LARP7: variants seen among roughly 807,000 people sequenced by gnomAD.
The protein encoded by LARP7 is la-related protein 7.
LARP7 carries 52 observed loss-of-function variants against 69.3 expected under a neutral mutation model. The observed-to-expected ratio is 0.75, with a 90% CI of 0.60 to 0.95. LARP7 has a LOEUF of 0.95. Among genes scored for constraint, LARP7 ranks in the 40% least tolerant of loss-of-function variants. The probability of loss-of-function intolerance (pLI) is 0.00; values close to 1 mark genes in which losing one functional copy is unlikely to be tolerated. For synonymous variants in LARP7, 254 were observed against 215.9 expected (o/e 1.18, Z -1.55); for missense variants, 733 against 673.0 (o/e 1.09, Z -0.99).
intron 12 of LARP7, chr4:112,655,334 A>G (rs928040330): frequency 2.0e-5 from 3 of 152,168 alleles, no homozygotes; most frequent in Admixed American, 6.5e-5. Context: ...CTAGGAATAA[A>G]CCTTTTATTT....
At chr4:112,641,165 C>G (rs2047945026) in intron 1 of LARP7, among the ~76,000 whole-genome samples, 1 of 152,066 alleles carries the variant, frequency 6.6e-6, no homozygotes, top group East Asian at 1.9e-4. Flanking sequence ...CTTCGGGAGG[C>G]CAAGGCAGGC....
intron 10 of LARP7, among the ~76,000 whole-genome samples, chr4:112,651,018 T>G (rs2048706341): frequency 6.6e-6 from 1 of 152,228 alleles, no homozygotes; most frequent in African/African-American, 2.4e-5. Context: ...GGTTTATAAT[T>G]TTTTCGCTTT....
chr4:112,642,175 G>A (rs1051567363), intron 1 of LARP7, among the ~76,000 whole-genome samples: 2 of 152,206 alleles, frequency 1.3e-5, no homozygotes, highest in African/African-American at 4.8e-5. Context: ...ACATTGAGGA[G>A]CTTGTTTGCA....
chr4:112,656,320 C>A (rs1239386423), intron 12 of LARP7, among the ~76,000 whole-genome samples: 4 of 152,126 alleles, frequency 2.6e-5, no homozygotes, highest in African/African-American at 9.7e-5. Context: ...ATTGCCTGAA[C>A]CTAGGAAGTG....
rs2048680472 is a variant in LARP7 at position 112,650,561 on chromosome 4, A to G, written c.1395A>G (p.Leu465=). Reference sequence around the variant, plus strand: ...TGAAGATCATTAGCACAGAGCCTCTACCTGGCAGGAAACAAGTCCGGGTAA... The same window carrying G: ...TGAAGATCATTAGCACAGAGCCTCTGCCTGGCAGGAAACAAGTCCGGGTAA... ...VIVKIISTEP[L]PGRKQVRDTL... is the part of the protein sequence containing the mutation. The change falls in exon 10 of 13, where the codon CTA becomes CTG. Residue 465 remains leucine (L), a synonymous_variant. Coordinates refer to ENST00000344442, the MANE Select transcript of LARP7 (RefSeq NM_016648.4). 9 of 1,613,410 alleles carry G rather than the reference A, an allele frequency of 5.6e-6. No homozygotes were observed. Among genetic ancestry groups the G allele is most frequent in the African/African-American group, 1.3e-5 (1 of 74,900 alleles).
At chr4:112,641,912 G>A (rs540468645) in intron 1 of LARP7, among the ~76,000 whole-genome samples, 1 of 152,276 alleles carries the variant, frequency 6.6e-6, no homozygotes, top group African/African-American at 2.4e-5. Context: ...AAGCCAATGA[G>A]CTTAAAGCCA....
At chr4:112,638,209 T>G (rs1037910411) in intron 1 of LARP7, among the ~76,000 whole-genome samples, 21 of 152,246 alleles carry the variant, frequency 1.4e-4, no homozygotes, top group Non-Finnish European at 3.1e-4. Flanking sequence ...GTTGGGAGAA[T>G]CGCTTGAACT....
chr4:112,654,262 C>T (rs1453557221), intron 12 of LARP7, 103 bp downstream of exon 12: 2 of 773,844 alleles, frequency 2.6e-6, no homozygotes, highest in Non-Finnish European at 4.3e-6. Flanking sequence ...TTGCTATTAC[C>T]TAACAAAAAT....
intron 2 of LARP7, among the ~76,000 whole-genome samples, 168 bp from the exon 3 acceptor site, chr4:112,646,183 T>TG (rs2048218166): frequency 1.3e-5 from 2 of 152,122 alleles, no homozygotes; most frequent in African/African-American, 4.8e-5. Flanking sequence ...TTCACTATGT[T>TG]GGCCAGGCTG....
chr4:112,646,755 G>T (rs1178949126), intron 4 of LARP7, 36 bp from the exon 5 acceptor site: 13 of 1,556,354 alleles, frequency 8.4e-6, no homozygotes, highest in African/African-American at 1.4e-5. Context: ...CATTCTGATT[G>T]TGAAAAACTC....
intron 12 of LARP7, chr4:112,654,472 G>C (rs1338688465): frequency 4.9e-6 from 1 of 204,836 alleles, no homozygotes; most frequent in Admixed American, 5.4e-5. Flanking sequence ...ATTATAGAAA[G>C]ATTATCTTCA....
chr4:112,641,697 C>T (rs2047971945), intron 1 of LARP7, among the ~76,000 whole-genome samples: 1 of 152,170 alleles, frequency 6.6e-6, no homozygotes, highest in Non-Finnish European at 1.5e-5. Flanking sequence ...GATTTTAAGG[C>T]TTTTGCCTTT....
Position 112,646,883 on chromosome 4 carries a change from G to A in LARP7, c.480G>A (p.Lys160=). Residue 160 remains lysine, a synonymous_variant, in exon 5 of 13, where the codon AAG becomes AAA. Transcript: ENST00000344442. ...TTTATATAAGTATACCACATTATAAGTCTACTGGAGATCCAAAGGGATTTG... is the reference window on the plus strand; with the variant it reads ...TTTATATAAGTATACCACATTATAAATCTACTGGAGATCCAAAGGGATTTG... ...NVVYISIPHY[K]STGDPKGFAF... is the part of the protein sequence containing the mutation. 6.2e-7 allele frequency: 1 copy of A among 1,608,446 alleles called. No homozygotes were observed.
At chr4:112,642,839 G>A (rs2048014727) in intron 1 of LARP7, among the ~76,000 whole-genome samples, 1 of 152,296 alleles carries the variant, frequency 6.6e-6, no homozygotes, top group South Asian at 2.1e-4. Flanking sequence ...TTCTGGTCAC[G>A]TAGGCATAAG....
Position 112,654,167 on chromosome 4 carries a change from A to T in LARP7, c.1668+8A>T, listed in dbSNP as rs1380478034. On this transcript the variant is annotated splice_region_variant and intron_variant, in intron 12 of 12. Transcript: ENST00000344442. ...AAAAGAGGCACTGAAAAGGTAATTG[A>T]TTCATTTTTGTTTTTTTAGACTAAA... 6.2e-7 allele frequency: 1 copy of T among 1,609,180 alleles called. No homozygotes were observed.
At chr4:112,654,383 G>T in intron 12 of LARP7, 1 of 418,476 alleles carries the variant, frequency 2.4e-6, no homozygotes, top group South Asian at 3.8e-5. Context: ...TTTTAATTTA[G>T]ATTTTTTCTT....
At chr4:112,647,982 A>G (rs772711592) in intron 8 of LARP7, 148 bp downstream of exon 8, 11 of 725,822 alleles carry the variant, frequency 1.5e-5, no homozygotes, top group South Asian at 1.1e-4. Flanking sequence ...CGTTAACGCA[A>G]TTGCTGATTA....
At chr4:112,648,681 T>C (rs2048526029) in intron 8 of LARP7, 2 of 376,488 alleles carry the variant, frequency 5.3e-6, no homozygotes, top group East Asian at 7.4e-5. Context: ...CAAAGATTCG[T>C]GTTCTCCTCC....
chr4:112,657,052 C>CAG (rs1287579634), intron 12 of LARP7, among the ~76,000 whole-genome samples, 195 bp from the exon 13 acceptor site: 1 of 151,892 alleles, frequency 6.6e-6, no homozygotes, highest in Non-Finnish European at 1.5e-5. Flanking sequence ...GCCTTAATAA[C>CAG]AGATTTGATT....
Sources: gnomAD v4.1 joint callset for allele counts (sites outside exome capture counted in the v4.1 genomes callset) on GRCh38, gnomAD v4.1.1 for gene constraint, MANE v1.5 for transcripts, NCBI Gene and HGNC (gene_info 2026-07-23, HGNC 2026-07-21) for gene names.